The following CACNA1C variants were observed in gnomAD, a reference collection of about 807,000 sequenced individuals.
The protein encoded by CACNA1C is voltage-dependent L-type calcium channel subunit alpha-1C.
Under a neutral mutation model 229.0 loss-of-function variants are expected in CACNA1C, and 30 were observed. The ratio of observed to expected loss-of-function variants is 0.13; its 90% CI spans 0.10 to 0.18. The LOEUF is 0.18. Ranked by LOEUF, CACNA1C falls within the 10% of genes least tolerant of loss-of-function variation. The probability of loss-of-function intolerance (pLI) is 1.00; values close to 1 mark genes in which losing one functional copy is unlikely to be tolerated. For synonymous variants in CACNA1C, 1,114 were observed against 1,132.5 expected, an observed-to-expected ratio of 0.98 and a Z score of 0.33; for missense variants, 1,658 against 2,845.0, an observed-to-expected ratio of 0.58 and a Z score of 9.49.
chr12:2,422,053 A>T (rs907795519), intron 3 of CACNA1C, among the ~76,000 whole-genome samples: 1 of 152,208 alleles, frequency 6.6e-6, no homozygotes, highest in Non-Finnish European at 1.5e-5. Context: ...TTAATTTTTC[A>T]ATTTTGCAAT....
At chr12:2,103,478 G>A (rs11062123) in intron 1 of CACNA1C, among the ~76,000 whole-genome samples, 5,126 of 151,822 alleles carry the variant, frequency 0.034, 244 homozygotes, top group East Asian at 0.11. Context: ...GGATATTAGC[G>A]CTTTGTCAGA....
At chr12:2,057,684 C>G (rs758240844) in intron 1 of CACNA1C, among the ~76,000 whole-genome samples, 1 of 152,230 alleles carries the variant, frequency 6.6e-6, no homozygotes, top group African/African-American at 2.4e-5. Flanking sequence ...TTCCCACAGA[C>G]GTCTGTTCCC....
At chr12:2,161,147 T>C (rs1030472760) in intron 3 of CACNA1C, among the ~76,000 whole-genome samples, 16 of 152,222 alleles carry the variant, frequency 1.1e-4, no homozygotes, top group African/African-American at 3.9e-4. Flanking sequence ...GCTGAACAGA[T>C]GCTTGAGTTG....
At chr12:2,554,251 C>CT (rs2042863497) in intron 10 of CACNA1C, among the ~76,000 whole-genome samples, 1 of 152,182 alleles carries the variant, frequency 6.6e-6, no homozygotes. Context: ...AAATCATGGT[C>CT]TCCCAGAAGG....
chr12:2,419,072 G>A (rs550497309), intron 3 of CACNA1C, among the ~76,000 whole-genome samples: 32 of 152,300 alleles, frequency 2.1e-4, no homozygotes, highest in African/African-American at 4.6e-4. Context: ...GAGGCCCTCC[G>A]GGGCATAACG....
At position 2,694,569 on chromosome 12, in the gene CACNA1C, T is replaced by G. The variant is rs1418559523; in HGVS notation, c.*3370T>G. On this transcript the variant is annotated 3_prime_UTR_variant, in exon 47 of 47. Coordinates refer to ENST00000399655, the MANE Select transcript of CACNA1C (RefSeq NM_000719.7). ...TTAATCCAATAGGCCTCACTCTCAC[T>G]GGGAAATCCACTCAAAGGAACAAGG... is the stretch of plus-strand genomic sequence containing the variant. The G allele has an allele frequency of 6.6e-6, 1 of 152,254 alleles. No homozygotes were observed. The highest frequency in any genetic ancestry group is 1.5e-5 in the Non-Finnish European group (1 of 68,066). The allele number at this position is 152,254 out of a possible 1,614,324, so 9.4% of individuals were successfully genotyped here.
In CACNA1C at chr12:2,215,427, G is replaced by A. The variant is rs1224663920; in HGVS notation, c.477+94997G>A. Among the ~76,000 whole-genome samples, 1 of 152,038 alleles carries A rather than the reference G, an allele frequency of 6.6e-6. No homozygotes were observed. The highest frequency in any genetic ancestry group is 2.4e-5 in the African/African-American group (1 of 41,386). On this transcript the variant is annotated intron_variant, in intron 3 of 46. Transcript: ENST00000399655. The surrounding 1 kb of genome is among the most constrained non-coding windows in gnomAD (Gnocchi z 5.0). Reference sequence around the variant, plus strand: ...GTGAGGGCAAAAGGGTTCTGAGTGGGGCCTGTTCCTCTGGGTGGGATGCGC... The same window carrying A: ...GTGAGGGCAAAAGGGTTCTGAGTGGAGCCTGTTCCTCTGGGTGGGATGCGC...
chr12:2,166,296 G>A (rs2096226655), intron 3 of CACNA1C, among the ~76,000 whole-genome samples: 1 of 152,172 alleles, frequency 6.6e-6, no homozygotes, highest in African/African-American at 2.4e-5. Flanking sequence ...GTCATTCTTT[G>A]GGATTATCAC....
At chr12:1,974,762 G>A (rs10848600) in intron 1 of CACNA1C, among the ~76,000 whole-genome samples, 29,968 of 152,040 alleles carry the variant, frequency 0.2, 3,048 homozygotes, top group African/African-American at 0.24. Flanking sequence ...TTAGATGCAT[G>A]TCAGTCATTC....
chr12:2,550,095 C>G, intron 10 of CACNA1C, 62 bp downstream of exon 10: 2 of 1,157,030 alleles, frequency 1.7e-6, no homozygotes, highest in Non-Finnish European at 1.3e-6. Context: ...GGAAAAGCTG[C>G]ATCTGGAAAT....
At chr12:2,507,225 G>A (rs2099773797) in intron 8 of CACNA1C, among the ~76,000 whole-genome samples, 1 of 152,192 alleles carries the variant, frequency 6.6e-6, no homozygotes, top group South Asian at 2.1e-4. Context: ...GCTCCTTGCA[G>A]CTCCTGAATC....
At chr12:2,163,934 G>T (rs1215546751) in intron 3 of CACNA1C, among the ~76,000 whole-genome samples, 1 of 152,208 alleles carries the variant, frequency 6.6e-6, no homozygotes, top group Non-Finnish European at 1.5e-5. Context: ...TTCCCGTGTG[G>T]AGTAGATACC....
At chr12:2,600,597 C>G (rs1370452204) in intron 21 of CACNA1C, among the ~76,000 whole-genome samples, 1 of 152,216 alleles carries the variant, frequency 6.6e-6, no homozygotes, top group Non-Finnish European at 1.5e-5. Flanking sequence ...CTGGCCCTTA[C>G]GCAAGTCGGC....
rs1352934970 is a variant in CACNA1C, at chr12:2,692,764, A to C, written c.*1565A>C. The stretch of plus-strand genomic sequence containing the variant: ...GCATTGATAATGTTTCTGTTGAAGA[A>C]ACCGTTATACTTGAATTCAGGTCAG... On this transcript the variant is annotated 3_prime_UTR_variant, in exon 47 of 47. Transcript: ENST00000399655. 1 of 152,710 alleles carries C rather than the reference A, an allele frequency of 6.5e-6. No homozygotes were observed. The highest frequency in any genetic ancestry group is 2.4e-5 in the African/African-American group (1 of 41,482). The allele number at this position is 152,710 out of a possible 1,614,324, so 9.5% of individuals were successfully genotyped here. A position where few individuals can be genotyped will look rare whatever the true frequency, so the allele number is the denominator to read the frequency against.
chr12:2,009,345 T>C lies in CACNA1C; in HGVS notation c.139+38144T>C, dbSNP rs571120666. ...TTAAGGTAATTGTAAGAAGACAGTA[T>C]GTTTAGATTCTTTGAAAATCAGAAT... On this transcript the variant is annotated intron_variant, in intron 1 of 46. Transcript: ENST00000682462. Among the ~76,000 whole-genome samples the C allele has an allele frequency of 3.3e-5, 5 of 152,348 alleles. No homozygotes were observed. In the East Asian group the frequency reaches 9.6e-4, roughly 29 times the overall value.
chr12:2,021,024 TAC>T (rs2046352222), intron 1 of CACNA1C, among the ~76,000 whole-genome samples: 1 of 152,232 alleles, frequency 6.6e-6, no homozygotes, highest in Admixed American at 6.5e-5. Context: ...GGAAAATATC[TAC>T]ACGTCAACTA....
intron 3 of CACNA1C, among the ~76,000 whole-genome samples, chr12:2,150,301 A>G (rs1312708289): frequency 2.0e-5 from 3 of 152,224 alleles, no homozygotes; most frequent in Admixed American, 2.0e-4. Context: ...AGAAAGAGGT[A>G]GAAGGCAGGT....
chr12:2,533,573 G>A (rs2099846023), intron 9 of CACNA1C, among the ~76,000 whole-genome samples: 1 of 152,178 alleles, frequency 6.6e-6, no homozygotes, highest in Admixed American at 6.5e-5. Context: ...ATTCCCATCT[G>A]CCCTCCCAGG....
intron 7 of CACNA1C, among the ~76,000 whole-genome samples, chr12:2,495,854 A>G (rs931335443): frequency 3.9e-5 from 6 of 152,228 alleles, no homozygotes; most frequent in African/African-American, 1.4e-4. Context: ...ACACACACCT[A>G]AAACTGAAAC....
Sources: gnomAD v4.1 joint callset for allele counts (sites outside exome capture counted in the v4.1 genomes callset) on GRCh38, gnomAD v4.1.1 for gene constraint, Gnocchi (gnomAD v3.1) non-coding constraint, MANE v1.5 for transcripts, NCBI Gene and HGNC (gene_info 2026-07-23, HGNC 2026-07-21) for gene names.